Variants in CYP11B1 observed in about 807,000 individuals in gnomAD.
CYP11B1 encodes the protein cytochrome P450 family 11 subfamily B member 1.
A neutral mutation model predicts 48.3 loss-of-function variants in CYP11B1; 34 were observed. That is an observed-to-expected ratio of 0.70 (90% CI 0.54 to 0.94). The LOEUF (loss-of-function observed/expected upper bound fraction) is 0.94. CYP11B1 is among the 40% of genes least tolerant of loss of function. CYP11B1 has a pLI of 0.00. For missense variants in CYP11B1, 688 were observed against 657.4 expected, an observed-to-expected ratio of 1.05 and a Z score of -0.51; for synonymous variants, 291 against 262.5, an observed-to-expected ratio of 1.11 and a Z score of -1.05.
At chr8:142,877,547 G>T (rs1274781086) in intron 2 of CYP11B1, among the ~76,000 whole-genome samples, 19 of 152,174 alleles carry the variant, frequency 1.2e-4, no homozygotes, top group South Asian at 4.1e-4. Flanking sequence ...TAGTAGGGGG[G>T]AGGGATTTTC....
At position 142,874,219 on chromosome 8, in the gene CYP11B1, C is replaced by G. The variant is rs973926813; in HGVS notation, c.*154G>C. The G allele has an allele frequency of 3.5e-5, 24 of 687,764 alleles. No individual in the cohort carries two copies. The Admixed American group carries it at 4.7e-4, about 14-fold the overall frequency. The allele number at this position is 687,764 out of a possible 1,614,324, so 42.6% of individuals were successfully genotyped here. ...GCTGCTTAGCCTGGCAAACCCTGGT[C>G]CTAGAGGCCCTCGGGAGTTCCATTT... On this transcript the variant is annotated 3_prime_UTR_variant, in exon 9 of 9. Transcript: ENST00000292427.
intron 1 of CYP11B1, 156 bp from the exon 2 acceptor site, chr8:142,879,343 A>G (rs1817070106): frequency 6.2e-7 from 1 of 1,606,884 alleles, no homozygotes; most frequent in Non-Finnish European, 8.5e-7. Flanking sequence ...GGAACCTCTT[A>G]ACTTCAGTGC....
In CYP11B1 at chr8:142,875,401, G is replaced by A. The variant is rs769102327; in HGVS notation, c.1122-89C>T. 16 of 1,411,972 alleles carry A rather than the reference G, an allele frequency of 1.1e-5. No individual in the cohort carries two copies. The South Asian group carries it at 2.0e-4, about 18-fold the overall frequency. 87.5% of individuals were successfully genotyped at this position (1,411,972 alleles called of 1,614,324 possible). Reference sequence around the variant, plus strand: ...CCCTTCCTACCGAAGAACCCGCAGAGGTCCCAGATCCATGGGAAGCCCAGG... The same window carrying A: ...CCCTTCCTACCGAAGAACCCGCAGAAGTCCCAGATCCATGGGAAGCCCAGG... On this transcript the variant is annotated intron_variant, in intron 6 of 8. Coordinates refer to ENST00000292427, the MANE Select transcript of CYP11B1 (RefSeq NM_000497.4).
At chr8:142,879,407 T>A in intron 1 of CYP11B1, 168 bp downstream of exon 1, 8 of 1,612,684 alleles carry the variant, frequency 5.0e-6, no homozygotes, top group Non-Finnish European at 6.8e-6. Context: ...CACCATCCCC[T>A]GCCCTGGCAG....
intron 8 of CYP11B1, 133 bp downstream of exon 8, chr8:142,874,824 C>A (rs1374872319): frequency 8.6e-7 from 1 of 1,160,014 alleles, no homozygotes; most frequent in Non-Finnish European, 1.2e-6. Context: ...CAGGTTCTCC[C>A]AGTACCGGCT....
chr8:142,877,622 G>C, intron 2 of CYP11B1: 1 of 780,656 alleles, frequency 1.3e-6, no homozygotes. Context: ...TGTCCTGAGG[G>C]GAGAGCCCCT....
intron 1 of CYP11B1, 75 bp downstream of exon 1, chr8:142,879,500 T>C (rs1817077121): frequency 6.2e-7 from 1 of 1,613,916 alleles, no homozygotes; most frequent in African/African-American, 1.3e-5. Context: ...ATGGCAGTGC[T>C]GAGTGCCCGG....
At position 142,873,699 on chromosome 8, in the gene CYP11B1, C is replaced by G. The variant is rs1268613752; in HGVS notation, c.*674G>C. 2 of 156,446 alleles carry G rather than the reference C, an allele frequency of 1.3e-5. No individual in the cohort carries two copies. The highest frequency in any genetic ancestry group is 2.4e-5 in the African/African-American group (1 of 41,470). The allele number at this position is 156,446 out of a possible 1,614,324, so 9.7% of individuals were successfully genotyped here. The stretch of plus-strand genomic sequence containing the variant: ...CCAACACCCACTCCTGGAACAAGGC[C>G]TGGTCCATGAAAGATGAGGCCTGGG... On this transcript the variant is annotated 3_prime_UTR_variant, in exon 9 of 9. Transcript: ENST00000292427.
Position 142,876,298 on chromosome 8 carries a change from C to CAGTTCCGCATTCAACAGG in CYP11B1, c.879_896dup (p.Leu294_Leu299dup). ...AGTTGGCCTTGATGGCATCTGGCGA[C>CAGTTCCGCATTCAACAGG]AGTTCCGCATTCAACAGGAGCTCCG... On this transcript the variant is annotated inframe_insertion, in exon 5 of 9. Transcript: ENST00000292427. 6.2e-7 allele frequency: 1 copy of CAGTTCCGCATTCAACAGG among 1,614,226 alleles called. No individual in the cohort carries two copies. The highest frequency in any genetic ancestry group is 1.7e-5 in the Admixed American group (1 of 60,038).
chr8:142,873,906 G>A lies in CYP11B1; in HGVS notation c.*467C>T. 2 of 246,712 alleles carry A rather than the reference G, an allele frequency of 8.1e-6. No homozygotes were observed. Among genetic ancestry groups the A allele is most frequent in the East Asian group, 1.8e-4 (2 of 11,270 alleles). The allele number at this position is 246,712 out of a possible 1,614,324, so 15.3% of individuals were successfully genotyped here. A position where few individuals can be genotyped will look rare whatever the true frequency, so the allele number is the denominator to read the frequency against. ...CATGCTCGAGCTGCCTAGGGGTCAG[G>A]CTGCAGGAGGGAACTTGACTGGACT... On this transcript the variant is annotated 3_prime_UTR_variant, in exon 9 of 9. Coordinates refer to ENST00000292427, the MANE Select transcript of CYP11B1 (RefSeq NM_000497.4).
At position 142,875,862 on chromosome 8, in the gene CYP11B1, A is replaced by C. The variant is rs769359769; in HGVS notation, c.971T>G (p.Leu324Arg). ...GSVDTTVFPL[L>R]MTLFELARNP... ...CCGAGCCAGCTCAAAGAGCGTCATC[A>C]GCAAGGGAAACACCGTCTGCAGGAG... is the stretch of plus-strand genomic sequence containing the variant. The change falls in exon 6 of 9, where the codon CTG becomes CGG. Residue 324 changes from leucine to arginine, a missense_variant. Physicochemically the swap from Leu to Arg is moderately radical, Grantham distance 102. Transcript: ENST00000292427. 2 of 1,614,142 alleles carry C rather than the reference A, an allele frequency of 1.2e-6. No homozygotes were observed. Among genetic ancestry groups the C allele is most frequent in the Non-Finnish European group, 1.7e-6 (2 of 1,180,020 alleles).
At position 142,879,397 on chromosome 8, in the gene CYP11B1, C is replaced by T. The variant is rs1817072155; in HGVS notation, c.239+178G>A. On this transcript the variant is annotated intron_variant, in intron 1 of 8. Coordinates refer to ENST00000292427, the MANE Select transcript of CYP11B1 (RefSeq NM_000497.4). Reference sequence around the variant, plus strand: ...CTGCAGCGAGCTGGGATTTGCTCTGCACCATCCCCTGCCCTGGCAGCGCCA... The same window carrying T: ...CTGCAGCGAGCTGGGATTTGCTCTGTACCATCCCCTGCCCTGGCAGCGCCA... The T allele has an allele frequency of 1.9e-6, 3 of 1,611,898 alleles. No individual in the cohort carries two copies. In the East Asian group the frequency reaches 6.7e-5, roughly 36 times the overall value.
Position 142,877,772 on chromosome 8 carries a change from G to T in CYP11B1, c.396-550C>A, listed in dbSNP as rs9657020. ...CCATCCTCACCTACAGCCAGAGTGC[G>T]TGGGGGCTCCATGGATGCCCCCAGG... On this transcript the variant is annotated intron_variant, in intron 2 of 8. Transcript: ENST00000292427. 67,229 of 1,596,310 alleles carry T rather than the reference G, an allele frequency of 0.042. 6,351 individuals are homozygous for T. The East Asian group carries it at 0.44, about 10-fold the overall frequency.
rs1258403960 is a variant in CYP11B1, at chr8:142,879,089, A to C, written c.338T>G (p.Leu113Arg). The C allele has an allele frequency of 1.9e-6, 3 of 1,613,914 alleles. No individual in the cohort carries two copies. In the African/African-American group the frequency reaches 4.0e-5, roughly 22 times the overall value. ...TTGTCTGTAGGCCACCCAGGGCTCC[A>C]GGCTCATCCTGTGGGGATGCAGGCT... ...VDSLHPHRMS[L>R]EPWVAYRQHR... The change falls in exon 2 of 9, where the codon CTG (leucine) becomes CGG (arginine). Residue 113 changes from leucine (L) to arginine (R), a missense_variant. Coordinates refer to ENST00000292427, the MANE Select transcript of CYP11B1 (RefSeq NM_000497.4).
intron 1 of CYP11B1, 38 bp downstream of exon 1, chr8:142,879,537 C>A (rs372674759): frequency 1.9e-4 from 308 of 1,614,094 alleles, no homozygotes; most frequent in Non-Finnish European, 2.5e-4. Flanking sequence ...AAGGGCAGGG[C>A]TCTGGGTGTT....
At chr8:142,875,979 A>G in intron 5 of CYP11B1, 101 bp from the exon 6 acceptor site, 1 of 1,450,146 alleles carries the variant, frequency 6.9e-7, no homozygotes, top group Non-Finnish European at 9.6e-7. Context: ...GCAGACATGC[A>G]TACCCTGAGA....
At chr8:142,874,744 A>G (rs142782507) in intron 8 of CYP11B1, among the ~76,000 whole-genome samples, 245 of 151,994 alleles carry the variant, frequency 1.6e-3, no homozygotes, top group Admixed American at 5.0e-3. Flanking sequence ...TTTAGCAGCA[A>G]CCTCACCCAG....
intron 1 of CYP11B1, 161 bp from the exon 2 acceptor site, chr8:142,879,348 C>T: frequency 3.1e-6 from 5 of 1,607,298 alleles, no homozygotes; most frequent in Non-Finnish European, 4.2e-6. Context: ...CTCTTAACTT[C>T]AGTGCCTCTG....
In CYP11B1 at chr8:142,877,070, C is replaced by T. The variant is rs1296590244; in HGVS notation, c.548G>A (p.Ser183Asn). 6.2e-7 allele frequency: 1 copy of T among 1,613,926 alleles called. No individual in the cohort carries two copies. The highest frequency in any genetic ancestry group is 8.5e-7 in the Non-Finnish European group (1 of 1,179,940). Residue 183 changes from serine to asparagine, a missense_variant, in exon 3 of 9, where the codon AGC becomes AAC. By Grantham distance (46) the Ser-to-Asn change is conservative. Transcript: ENST00000292427. ...KKKVLQNARG[S>N]LTLDVQPSIF... ...GCTGGGCTGGACGTCCAGGGTCAGG[C>T]TCCCCCGGGCGTTCTGCAGCACCTT...
Sources: allele counts gnomAD v4.1 joint callset (sites outside exome capture counted in the v4.1 genomes callset), GRCh38; gene constraint gnomAD v4.1.1; transcripts MANE v1.5; gene names NCBI Gene and HGNC (gene_info 2026-07-23, HGNC 2026-07-21).